The following MBNL2 variants were observed in gnomAD, a reference collection of about 807,000 sequenced individuals.
MBNL2 encodes muscleblind like splicing regulator 2.
In MBNL2, 17 loss-of-function variants were observed where a neutral mutation model predicts 41.9. The ratio of observed to expected loss-of-function variants is 0.41; its 90% CI spans 0.28 to 0.61. The LOEUF (loss-of-function observed/expected upper bound fraction) is 0.61, where lower values mean the gene tolerates loss of function less well. Ranked by LOEUF, MBNL2 falls within the 20% of genes least tolerant of loss-of-function variation. MBNL2 has a pLI of 0.35. For missense variants in MBNL2, 336 were observed against 505.6 expected, an observed-to-expected ratio of 0.66 and a Z score of 3.22; for synonymous variants, 195 against 182.9, an observed-to-expected ratio of 1.07 and a Z score of -0.53.
At chr13:97,380,522 C>T (rs922324854) in intron 8 of MBNL2, among the ~76,000 whole-genome samples, 6 of 151,726 alleles carry the variant, frequency 4.0e-5, no homozygotes, top group East Asian at 1.9e-4. Context: ...AAAAAAACCA[C>T]ACCCACCTTG....
intron 2 of MBNL2, among the ~76,000 whole-genome samples, chr13:97,291,942 C>T (rs2056156121): frequency 7.5e-6 from 1 of 132,830 alleles, no homozygotes; most frequent in African/African-American, 2.9e-5. Context: ...GTGGCTCACG[C>T]CTGTAATCCC....
chr13:97,288,042 G>A (rs2055019866), intron 2 of MBNL2, among the ~76,000 whole-genome samples: 1 of 150,556 alleles, frequency 6.6e-6, no homozygotes, highest in African/African-American at 2.4e-5. Flanking sequence ...CCAAAGTGCT[G>A]GGATTACAGC....
chr13:97,345,665 C>T (rs533078952), intron 4 of MBNL2, among the ~76,000 whole-genome samples: 4 of 151,456 alleles, frequency 2.6e-5, no homozygotes, highest in Non-Finnish European at 5.9e-5. Flanking sequence ...ATTTTGGTGT[C>T]TTAGATATTG....
chr13:97,262,326 A>G (rs1044162133), intron 1 of MBNL2, among the ~76,000 whole-genome samples: 2 of 152,160 alleles, frequency 1.3e-5, no homozygotes, highest in African/African-American at 2.4e-5. Flanking sequence ...ACACCTAGCC[A>G]CCACAAATTG....
intron 3 of MBNL2, among the ~76,000 whole-genome samples, chr13:97,339,884 G>GGGGGGGGT (rs2061307930): frequency 7.6e-6 from 1 of 131,270 alleles, no homozygotes; most frequent in African/African-American, 2.9e-5. Flanking sequence ...CGGGGGGGGC[G>GGGGGGGGT]TTGTTTTTCC....
the MBNL2 span, among the ~76,000 whole-genome samples, chr13:97,214,561 A>G: frequency 3.9e-5 from 6 of 152,140 alleles, no homozygotes; most frequent in Non-Finnish European, 5.9e-5. Flanking sequence ...TAGCCACTGG[A>G]CCCATGTTCA....
intron 1 of MBNL2, among the ~76,000 whole-genome samples, chr13:97,226,199 A>G (rs1361516447): frequency 3.3e-5 from 5 of 152,218 alleles, no homozygotes; most frequent in African/African-American, 1.2e-4. Flanking sequence ...TGCTGAGAGT[A>G]AAAACAGGTG....
At chr13:97,281,921 G>T (rs576296195) in intron 2 of MBNL2, among the ~76,000 whole-genome samples, 3 of 152,188 alleles carry the variant, frequency 2.0e-5, no homozygotes, top group Non-Finnish European at 4.4e-5. Context: ...GGTAAGTGTG[G>T]CTCCCAGCCA....
At chr13:97,232,346 C>T (rs1293116785) in intron 1 of MBNL2, among the ~76,000 whole-genome samples, 1 of 152,168 alleles carries the variant, frequency 6.6e-6, no homozygotes, top group African/African-American at 2.4e-5. Flanking sequence ...ACACAGATGG[C>T]CGGTATTTTT....
At chr13:97,281,827 T>C (rs1469107967) in intron 2 of MBNL2, among the ~76,000 whole-genome samples, 1 of 152,220 alleles carries the variant, frequency 6.6e-6, no homozygotes, top group Non-Finnish European at 1.5e-5. Context: ...GTCACCCTTA[T>C]AGATGTGGAT....
intron 2 of MBNL2, among the ~76,000 whole-genome samples, chr13:97,307,396 G>GA (rs953102776): frequency 7.0e-4 from 99 of 141,766 alleles, no homozygotes; most frequent in Admixed American, 2.9e-3. Context: ...ACATTTTATG[G>GA]AAAAAAAAAA....
intron 1 of MBNL2, among the ~76,000 whole-genome samples, chr13:97,250,094 T>C (rs1474279644): frequency 6.6e-6 from 1 of 152,220 alleles, no homozygotes; most frequent in African/African-American, 2.4e-5. Flanking sequence ...AATTATTGCT[T>C]CTATTTCATT....
the MBNL2 span, among the ~76,000 whole-genome samples, chr13:97,142,919 T>C: frequency 0.01 from 1,534 of 152,244 alleles, 20 homozygotes; most frequent in African/African-American, 0.019. Context: ...AACAAAAAAA[T>C]GAGAAGGTAG....
chr13:97,222,156 C>T, upstream of MBNL2: 1 of 345,830 alleles, frequency 2.9e-6, no homozygotes, highest in African/African-American at 2.1e-5. Flanking sequence ...GGAAATTCCT[C>T]TTTCATCAGT....
intron 2 of MBNL2, among the ~76,000 whole-genome samples, chr13:97,319,564 A>G (rs1388039640): frequency 6.6e-6 from 1 of 152,158 alleles, no homozygotes; most frequent in African/African-American, 2.4e-5. Context: ...GACTCTGCCA[A>G]TGCACATCTA....
At chr13:97,363,314 T>C (rs2063568374) in intron 7 of MBNL2, among the ~76,000 whole-genome samples, 1 of 151,658 alleles carries the variant, frequency 6.6e-6, no homozygotes. Context: ...GTAGCGTAGA[T>C]GAAAAGGACC....
chr13:97,294,862 C>G (rs1245576640), intron 2 of MBNL2, among the ~76,000 whole-genome samples: 1 of 152,208 alleles, frequency 6.6e-6, no homozygotes, highest in Non-Finnish European at 1.5e-5. Flanking sequence ...AGCACCTGCC[C>G]TACACCCTTT....
chr13:97,197,577 C>G, the MBNL2 span, among the ~76,000 whole-genome samples: 2 of 152,034 alleles, frequency 1.3e-5, no homozygotes, highest in East Asian at 3.8e-4. Context: ...TTTTCTCTAG[C>G]CAGTTTTGCT....
At chr13:97,163,169 G>A in the MBNL2 span, among the ~76,000 whole-genome samples, 18 of 152,272 alleles carry the variant, frequency 1.2e-4, no homozygotes, top group South Asian at 2.1e-4. Context: ...CGTAGGGTCC[G>A]GCTTGAAGGA....
Sources: gnomAD v4.1 joint callset for allele counts (sites outside exome capture counted in the v4.1 genomes callset) on GRCh38, gnomAD v4.1.1 for gene constraint, MANE v1.5 for transcripts, NCBI Gene and HGNC (gene_info 2026-07-23, HGNC 2026-07-21) for gene names.